SMARCA4: variants seen among roughly 807,000 people sequenced by gnomAD.
SMARCA4 encodes the protein SWI/SNF-related matrix-associated actin-dependent regulator of chromatin subfamily A member 4.
In SMARCA4, 31 loss-of-function variants were observed where a neutral mutation model predicts 193.9. The ratio of observed to expected loss-of-function variants is 0.16; its 90% CI spans 0.12 to 0.22. The LOEUF (loss-of-function observed/expected upper bound fraction) is 0.22. SMARCA4 is among the 10% of genes least tolerant of loss of function. The probability of loss-of-function intolerance (pLI) is 1.00; values close to 1 mark genes in which losing one functional copy is unlikely to be tolerated. For missense variants in SMARCA4, 1,148 were observed against 2,296.0 expected, an observed-to-expected ratio of 0.50 and a Z score of 10.22; for synonymous variants, 942 against 933.1, an observed-to-expected ratio of 1.01 and a Z score of -0.17.
In SMARCA4 at chr19:11,060,173, G is replaced by A. The variant is rs2076782634; in HGVS notation, c.4897G>A (p.Glu1633Lys). ...KPVVSDDDSE[E>K]EQEEDRSGSG... is the part of the protein sequence containing the mutation. ...GGTCGTGAGTGACGATGACAGTGAGGAGGAACAAGAGGAGGTGAGGCCGGG... is the reference window on the plus strand; with the variant it reads ...GGTCGTGAGTGACGATGACAGTGAGAAGGAACAAGAGGAGGTGAGGCCGGG... The change falls in exon 34 of 35, where the codon GAG becomes AAG. Residue 1633 changes from glutamate (E) to lysine (K), a missense_variant. Transcript: ENST00000344626. The A allele has an allele frequency of 6.4e-7, 1 of 1,551,080 alleles. No homozygotes were observed. The highest frequency in any genetic ancestry group is 8.7e-7 in the Non-Finnish European group (1 of 1,146,704).
At chr19:10,990,338 G>A (rs1284548036) in intron 7 of SMARCA4, among the ~76,000 whole-genome samples, 5 of 151,938 alleles carry the variant, frequency 3.3e-5, no homozygotes, top group Non-Finnish European at 4.4e-5. Context: ...AAGTGCAGTG[G>A]CACAATCTTG....
At chr19:11,025,007 C>A (rs1239168316) in intron 21 of SMARCA4, among the ~76,000 whole-genome samples, 3 of 138,420 alleles carry the variant, frequency 2.2e-5, no homozygotes, top group African/African-American at 5.2e-5. Flanking sequence ...CCACCTCCTT[C>A]CTCATCCTGG....
chr19:11,062,062 G>A lies in SMARCA4; in HGVS notation c.*246G>A, dbSNP rs1158857802. On this transcript the variant is annotated 3_prime_UTR_variant, in exon 35 of 35. Coordinates refer to ENST00000344626, the MANE Select transcript of SMARCA4 (RefSeq NM_003072.5). Reference sequence around the variant, plus strand: ...AGAGAGAGAGAGAGAATTCCGAATTGGGGAACACACGATACCTGTTTTTCT... The same window carrying A: ...AGAGAGAGAGAGAGAATTCCGAATTAGGGAACACACGATACCTGTTTTTCT... The A allele has an allele frequency of 3.5e-6, 2 of 578,336 alleles. No homozygotes were observed. The highest frequency in any genetic ancestry group is 2.9e-5 in the Admixed American group (1 of 34,034). The allele number at this position is 578,336 out of a possible 1,614,324, so 35.8% of individuals were successfully genotyped here. A position where few individuals can be genotyped will look rare whatever the true frequency, so the allele number is the denominator to read the frequency against.
intron 18 of SMARCA4, 154 bp from the exon 19 acceptor site, chr19:11,021,571 A>G (rs2089871242): frequency 3.2e-6 from 3 of 930,194 alleles, no homozygotes; most frequent in Non-Finnish European, 3.4e-6. Flanking sequence ...TCGGTGAGTC[A>G]GCCCCGGGGC....
intron 11 of SMARCA4, among the ~76,000 whole-genome samples, chr19:10,998,988 A>C (rs1241590005): frequency 6.7e-6 from 1 of 150,236 alleles, no homozygotes; most frequent in Admixed American, 6.7e-5. Context: ...CTGTAGTCTC[A>C]ACCTCCTGGA....
rs146006594 is a variant in SMARCA4, at chr19:10,986,694, G to A, written c.760+101G>A. ...TGCTCTGTTGCCGACTGGGTTCCCC[G>A]GTTTGGGATTGCACGGGCCCATACT... On this transcript the variant is annotated intron_variant, in intron 4 of 34. Coordinates refer to ENST00000344626, the MANE Select transcript of SMARCA4 (RefSeq NM_003072.5). This position sits in a 1 kb window ranked among gnomAD's most constrained non-coding sequence, Gnocchi z 6.7. 17,672 of 1,509,480 alleles carry A rather than the reference G, an allele frequency of 0.012. 141 individuals carry two copies. Among genetic ancestry groups the A allele is most frequent in the Non-Finnish European group, 0.014 (16,132 of 1,126,358 alleles). 93.5% of individuals were successfully genotyped at this position (1,509,480 alleles called of 1,614,324 possible).
In SMARCA4 at chr19:10,985,274, C is replaced by T; in HGVS notation, c.224C>T (p.Pro75Leu). The T allele has an allele frequency of 6.2e-7, 1 of 1,613,888 alleles. No homozygotes were observed. Among genetic ancestry groups the T allele is most frequent in the Non-Finnish European group, 8.5e-7 (1 of 1,179,984 alleles). The change falls in exon 3 of 35, where the codon CCC (proline) becomes CTC (leucine). Residue 75 changes from proline to leucine, a missense_variant and splice_region_variant. By Grantham distance (98) the Pro-to-Leu change is moderately conservative. Transcript: ENST00000344626. This position sits in a 1 kb window ranked among gnomAD's most constrained non-coding sequence, Gnocchi z 4.5. ...PQDNMHQMHKPMESMHEKGMS... is the reference protein window; with the variant it reads ...PQDNMHQMHKLMESMHEKGMS... ...GCCTTGCCATGGTCCCTCTCGCAGC[C>T]CATGGAGTCCATGCATGAGAAGGGC...
chr19:10,996,583 C>T (rs1373024651), intron 11 of SMARCA4, 39 bp downstream of exon 11: 4 of 1,586,868 alleles, frequency 2.5e-6, no homozygotes, highest in East Asian at 2.2e-5. Context: ...ATCAAGCTAG[C>T]CCTAAGGCGT....
chr19:11,017,406 T>C (rs919703567), intron 16 of SMARCA4, among the ~76,000 whole-genome samples: 1 of 152,222 alleles, frequency 6.6e-6, no homozygotes, highest in Non-Finnish European at 1.5e-5. Flanking sequence ...CCTGCAGTCT[T>C]TCCCACTGCG....
intron 30 of SMARCA4, among the ~76,000 whole-genome samples, chr19:11,044,716 T>C (rs1446193222): frequency 2.0e-5 from 3 of 152,204 alleles, no homozygotes. Flanking sequence ...TTTTGCTTTG[T>C]TTGTTTTTAA....
chr19:11,031,176 G>C lies in SMARCA4; in HGVS notation c.3546+283G>C. 2.2e-6 allele frequency: 1 copy of C among 459,578 alleles called. No individual in the cohort carries two copies. The highest frequency in any genetic ancestry group is 4.2e-5 in the East Asian group (1 of 23,546). The allele number at this position is 459,578 out of a possible 1,614,324, so 28.5% of individuals were successfully genotyped here. The stretch of plus-strand genomic sequence containing the variant: ...TAAATCTTGGAATGGCACCCATGAG[G>C]AGGTGGAAAGTATCCTGATCAATCT... On this transcript the variant is annotated intron_variant, in intron 25 of 34. Coordinates refer to ENST00000344626, the MANE Select transcript of SMARCA4 (RefSeq NM_003072.5). The surrounding 1 kb of genome is among the most constrained non-coding windows in gnomAD (Gnocchi z 4.3).
chr19:11,043,061 C>T (rs1469177722), intron 30 of SMARCA4, among the ~76,000 whole-genome samples: 1 of 150,910 alleles, frequency 6.6e-6, no homozygotes, highest in African/African-American at 2.4e-5. Flanking sequence ...GAGGCCAAGG[C>T]GGGCGGATCA....
intron 1 of SMARCA4, among the ~76,000 whole-genome samples, chr19:10,968,802 C>T (rs1270699637): frequency 6.6e-6 from 1 of 152,134 alleles, no homozygotes; most frequent in Non-Finnish European, 1.5e-5. Context: ...CTCCGAAAGT[C>T]CCAGTAAAGG....
Position 11,059,897 on chromosome 19 carries a change from G to T in SMARCA4, c.4768+12G>T, listed in dbSNP as rs571251860. ...CTCCGAATCCGAATGTGAGTCCCGG[G>T]GGGGTTCAGGACGCCGGGGTTCACG... On this transcript the variant is annotated intron_variant, in intron 33 of 34. Transcript: ENST00000344626. 19 of 1,613,808 alleles carry T rather than the reference G, an allele frequency of 1.2e-5. No individual in the cohort carries two copies. The South Asian group carries it at 1.5e-4, about 13-fold the overall frequency.
rs1264737920 is a variant in SMARCA4, at chr19:11,058,112, A to T, written c.4425-143A>T. 1.5e-6 allele frequency: 1 copy of T among 646,626 alleles called. No homozygotes were observed. The highest frequency in any genetic ancestry group is 2.8e-6 in the Non-Finnish European group (1 of 362,130). The allele number at this position is 646,626 out of a possible 1,614,324, so 40.1% of individuals were successfully genotyped here. A position where few individuals can be genotyped will look rare whatever the true frequency, so the allele number is the denominator to read the frequency against. ...CAAGAGCGAAACTCCGTCTCAAAAA[A>T]AAAAAAAGCGCATGTGCAAGAAATA... is the stretch of plus-strand genomic sequence containing the variant. On this transcript the variant is annotated intron_variant, in intron 30 of 34. Coordinates refer to ENST00000344626, the MANE Select transcript of SMARCA4 (RefSeq NM_003072.5). The surrounding 1 kb of genome is among the most constrained non-coding windows in gnomAD (Gnocchi z 5.8).
chr19:10,962,350 G>A (rs1052421580), intron 1 of SMARCA4, among the ~76,000 whole-genome samples: 2 of 152,128 alleles, frequency 1.3e-5, no homozygotes, highest in Non-Finnish European at 2.9e-5. Context: ...ATGGTCGGGG[G>A]TTGGATCCTG....
rs2076679742 is a variant in SMARCA4 at position 11,058,601 on chromosome 19, C to CA, written c.4534-186dup. 6.6e-6 allele frequency among the ~76,000 whole-genome samples: 1 copy of CA among 152,140 alleles called. No individual in the cohort carries two copies. The highest frequency in any genetic ancestry group is 2.4e-5 in the African/African-American group (1 of 41,416). The stretch of plus-strand genomic sequence containing the variant: ...TTGGGTGTTCCTTCAAGGTCCCACT[C>CA]ACTTAGTGCTGGGCCTCAGTCATGC... On this transcript the variant is annotated intron_variant, in intron 31 of 34. Transcript: ENST00000344626. The surrounding 1 kb of genome is among the most constrained non-coding windows in gnomAD (Gnocchi z 5.8).
chr19:11,055,114 G>C (rs907433201), intron 30 of SMARCA4, among the ~76,000 whole-genome samples: 2 of 152,220 alleles, frequency 1.3e-5, no homozygotes, highest in Admixed American at 6.5e-5. Flanking sequence ...CGGCAACTGG[G>C]TGGTCTTGAT....
At chr19:10,991,370 C>T (rs1386942459) in intron 8 of SMARCA4, 47 bp downstream of exon 8, 1 of 1,554,962 alleles carries the variant, frequency 6.4e-7, no homozygotes, top group Non-Finnish European at 8.7e-7. Context: ...CACCTGGCTG[C>T]CTGGCTTGTC....
Sources: gnomAD v4.1 joint callset for allele counts (sites outside exome capture counted in the v4.1 genomes callset) on GRCh38, gnomAD v4.1.1 for gene constraint, Gnocchi (gnomAD v3.1) non-coding constraint, MANE v1.5 for transcripts, NCBI Gene and HGNC (gene_info 2026-07-23, HGNC 2026-07-21) for gene names.